Variants in TENT4B observed in about 807,000 individuals in gnomAD.
TENT4B encodes terminal nucleotidyltransferase 4B.
TENT4B carries 10 observed loss-of-function variants against 75.0 expected under a neutral mutation model. The ratio of observed to expected loss-of-function variants is 0.13; its 90% confidence interval spans 0.08 to 0.23. The LOEUF is 0.23. TENT4B is among the 10% of genes least tolerant of loss of function. TENT4B has a pLI of 1.00. For missense variants in TENT4B, 579 were observed against 893.8 expected (o/e 0.65, Z 4.49); for synonymous variants, 350 against 357.7 (o/e 0.98, Z 0.24).
Position 50,226,668 on chromosome 16 carries a change from G to A in TENT4B, c.1801-1171G>A, listed in dbSNP as rs184253480. 7.1e-4 allele frequency among the ~76,000 whole-genome samples: 106 copies of A among 149,092 alleles called. No homozygotes were observed. The South Asian group carries it at 0.011, about 16-fold the overall frequency. ...CCTGACCTCATGATCCGACTGCCTC[G>A]GCCTCCCAAAGTGCTGGGATTACAG... On this transcript the variant is annotated intron_variant, in intron 10 of 11. Transcript: ENST00000561678.
At chr16:50,204,084 G>T (rs2030813067) in intron 1 of TENT4B, among the ~76,000 whole-genome samples, 1 of 152,210 alleles carries the variant, frequency 6.6e-6, no homozygotes, top group Admixed American at 6.5e-5. Flanking sequence ...GCTCTTGGGA[G>T]TGAGGCTAGA....
chr16:50,226,700 G>C (rs1044283220), intron 10 of TENT4B, among the ~76,000 whole-genome samples: 8 of 152,308 alleles, frequency 5.3e-5, no homozygotes, highest in Admixed American at 5.2e-4. Flanking sequence ...ACAGGCGTGA[G>C]CCACCACGCC....
At chr16:50,159,775 T>G (rs2037969225) in intron 1 of TENT4B, among the ~76,000 whole-genome samples, 1 of 152,234 alleles carries the variant, frequency 6.6e-6, no homozygotes, top group Non-Finnish European at 1.5e-5. Flanking sequence ...CATGCGCTTT[T>G]AAGAAGACAT....
At chr16:50,205,526 G>A (rs572643460) in intron 1 of TENT4B, among the ~76,000 whole-genome samples, 14 of 132,280 alleles carry the variant, frequency 1.1e-4, no homozygotes, top group African/African-American at 1.5e-4. Flanking sequence ...AACATTTTGT[G>A]TGTCTGCCTC....
intron 1 of TENT4B, among the ~76,000 whole-genome samples, chr16:50,173,947 G>A (rs1363415911): frequency 1.3e-5 from 2 of 152,106 alleles, no homozygotes; most frequent in African/African-American, 4.8e-5. Flanking sequence ...GCCCGCCTCG[G>A]CCTCCCAAAG....
Position 50,217,552 on chromosome 16 carries a change from A to C in TENT4B, c.931-4A>C. 1.4e-6 allele frequency: 2 copies of C among 1,383,192 alleles called. No individual in the cohort carries two copies. The highest frequency in any genetic ancestry group is 2.0e-6 in the Non-Finnish European group (2 of 1,019,520). The allele number at this position is 1,383,192 out of a possible 1,614,324, so 85.7% of individuals were successfully genotyped here. Reference sequence around the variant, plus strand: ...TTTACATTTTACCTTTCTTCTCTTTATAGGTACCTATTATTAAATTAACAG... The same window carrying C: ...TTTACATTTTACCTTTCTTCTCTTTCTAGGTACCTATTATTAAATTAACAG... On this transcript the variant is annotated splice_polypyrimidine_tract_variant and splice_region_variant and intron_variant, in intron 4 of 11. Coordinates refer to ENST00000561678, the MANE Select transcript of TENT4B (RefSeq NM_001365324.3).
At position 50,232,977 on chromosome 16, in the gene TENT4B, TAATG is replaced by T. The variant is rs1303571250; in HGVS notation, c.*3652_*3655del. ...GTGATAAATATTGAAATGTTAAAAT[TAATG>T]AACAGAAGAATTTATTCTTACCCAT... On this transcript the variant is annotated 3_prime_UTR_variant, in exon 12 of 12. Coordinates refer to ENST00000561678, the MANE Select transcript of TENT4B (RefSeq NM_001365324.3). The T allele has an allele frequency of 4.1e-6, 4 of 984,250 alleles. No homozygotes were observed. Among genetic ancestry groups the T allele is most frequent in the South Asian group, 4.7e-5 (1 of 21,276 alleles). 61.0% of individuals were successfully genotyped at this position (984,250 alleles called of 1,614,324 possible). A position where few individuals can be genotyped will look rare whatever the true frequency, so the allele number is the denominator to read the frequency against.
At chr16:50,189,006 C>T (rs2038589188) in intron 1 of TENT4B, among the ~76,000 whole-genome samples, 1 of 152,184 alleles carries the variant, frequency 6.6e-6, no homozygotes, top group African/African-American at 2.4e-5. Context: ...GTTGCCTCTG[C>T]TTCCCTGCGT....
At position 50,230,926 on chromosome 16, in the gene TENT4B, T is replaced by A. The variant is rs1404505108; in HGVS notation, c.*1598T>A. 1.0e-6 allele frequency: 1 copy of A among 980,104 alleles called. No individual in the cohort carries two copies. The highest frequency in any genetic ancestry group is 1.2e-6 in the Non-Finnish European group (1 of 824,714). 60.7% of individuals were successfully genotyped at this position (980,104 alleles called of 1,614,324 possible). ...GAGACGAGATTCTTTTATATATATATACATATAAAGTACTATTGGCTTTTA... is the reference window on the plus strand; with the variant it reads ...GAGACGAGATTCTTTTATATATATAAACATATAAAGTACTATTGGCTTTTA... On this transcript the variant is annotated 3_prime_UTR_variant, in exon 12 of 12. Coordinates refer to ENST00000561678, the MANE Select transcript of TENT4B (RefSeq NM_001365324.3).
intron 5 of TENT4B, among the ~76,000 whole-genome samples, chr16:50,221,369 C>T (rs1452715510): frequency 6.6e-6 from 1 of 152,206 alleles, no homozygotes; most frequent in Non-Finnish European, 1.5e-5. Context: ...GCATGGTTTA[C>T]AGAGGAGTGA....
At chr16:50,162,162 T>C (rs545028714) in intron 1 of TENT4B, among the ~76,000 whole-genome samples, 3 of 152,320 alleles carry the variant, frequency 2.0e-5, no homozygotes, top group East Asian at 3.9e-4. Context: ...TAGTAGTCCA[T>C]AGTATGGCTG....
chr16:50,197,332 A>T (rs1231350149), intron 1 of TENT4B, among the ~76,000 whole-genome samples: 2 of 152,190 alleles, frequency 1.3e-5, no homozygotes, highest in Non-Finnish European at 2.9e-5. Flanking sequence ...TTTGTCACCC[A>T]GGCTGGAGTG....
chr16:50,156,573 A>G (rs1439241674), intron 1 of TENT4B, among the ~76,000 whole-genome samples: 1 of 151,560 alleles, frequency 6.6e-6, no homozygotes, highest in Non-Finnish European at 1.5e-5. Flanking sequence ...CGAACTCCTG[A>G]CCTCAGGTGA....
chr16:50,180,067 CAT>C (rs1363373926), intron 1 of TENT4B, among the ~76,000 whole-genome samples: 2 of 151,748 alleles, frequency 1.3e-5, no homozygotes, highest in African/African-American at 4.8e-5. Context: ...TGATAAAATA[CAT>C]TTGTAGGGGA....
At chr16:50,158,173 G>A (rs952594072) in intron 1 of TENT4B, among the ~76,000 whole-genome samples, 6 of 152,098 alleles carry the variant, frequency 3.9e-5, no homozygotes, top group African/African-American at 1.2e-4. Flanking sequence ...TGCAACCTCC[G>A]TCTCCCAGGT....
intron 3 of TENT4B, among the ~76,000 whole-genome samples, chr16:50,215,701 C>T (rs968246101): frequency 6.6e-6 from 1 of 152,144 alleles, no homozygotes; most frequent in African/African-American, 2.4e-5. Context: ...CAGCTTAAAG[C>T]ACTTCATAAT....
intron 1 of TENT4B, among the ~76,000 whole-genome samples, chr16:50,167,004 A>G (rs1436350769): frequency 6.6e-6 from 1 of 151,940 alleles, no homozygotes; most frequent in African/African-American, 2.4e-5. Flanking sequence ...GTTCACTGCC[A>G]TTTTGCCCTC....
intron 10 of TENT4B, among the ~76,000 whole-genome samples, chr16:50,227,430 A>G (rs2032105200): frequency 6.6e-6 from 1 of 152,240 alleles, no homozygotes; most frequent in Non-Finnish European, 1.5e-5. Flanking sequence ...ATGTTTGGTT[A>G]GAATGATCAC....
At position 50,233,065 on chromosome 16, in the gene TENT4B, G is replaced by A. The variant is rs1274470654; in HGVS notation, c.*3737G>A. ...GTTATTGGAAAGGCACATTCTCAAA[G>A]TATTTTATGAGCAAAATATTCTATA... On this transcript the variant is annotated 3_prime_UTR_variant, in exon 12 of 12. Transcript: ENST00000561678. 4 of 984,702 alleles carry A rather than the reference G, an allele frequency of 4.1e-6. No individual in the cohort carries two copies. The highest frequency in any genetic ancestry group is 4.8e-6 in the Non-Finnish European group (4 of 829,408). 61.0% of individuals were successfully genotyped at this position (984,702 alleles called of 1,614,324 possible).
Sources: allele counts gnomAD v4.1 joint callset (sites outside exome capture counted in the v4.1 genomes callset), GRCh38; gene constraint gnomAD v4.1.1; transcripts MANE v1.5; gene names NCBI Gene and HGNC (gene_info 2026-07-23, HGNC 2026-07-21).